TMEM38B: variants seen among roughly 807,000 people sequenced by gnomAD.
TMEM38B encodes the protein trimeric intracellular cation channel type B.
A neutral mutation model predicts 28.7 loss-of-function variants in TMEM38B; 24 were observed. The ratio of observed to expected loss-of-function variants is 0.84; its 90% CI spans 0.61 to 1.18. TMEM38B has a LOEUF of 1.18. TMEM38B is among the 50% of genes most tolerant of loss of function. The pLI is 0.00. For synonymous variants in TMEM38B, 131 were observed against 127.7 expected (o/e 1.03, Z -0.17); for missense variants, 380 against 350.9 (o/e 1.08, Z -0.66).
At chr9:105,769,826 A>G (rs897184944) in intron 5 of TMEM38B, among the ~76,000 whole-genome samples, 2 of 152,192 alleles carry the variant, frequency 1.3e-5, no homozygotes, top group Admixed American at 1.3e-4. Context: ...AGTTATAGGA[A>G]GAAAAGCATG....
At chr9:105,738,736 T>TTTTTTG (rs1837075879) in intron 4 of TMEM38B, among the ~76,000 whole-genome samples, 1 of 147,382 alleles carries the variant, frequency 6.8e-6, no homozygotes, top group Non-Finnish European at 1.5e-5. Flanking sequence ...TTTTTTTTTT[T>TTTTTTG]GAGACAAGGT....
At chr9:105,749,526 AT>A (rs1436317334) in intron 5 of TMEM38B, among the ~76,000 whole-genome samples, 5 of 152,184 alleles carry the variant, frequency 3.3e-5, no homozygotes, top group African/African-American at 1.2e-4. Flanking sequence ...TCAAGGTGAG[AT>A]TTGAGAGTGG....
chr9:105,772,164 G>A (rs1017590169), intron 5 of TMEM38B, among the ~76,000 whole-genome samples: 4 of 152,170 alleles, frequency 2.6e-5, no homozygotes, highest in Non-Finnish European at 5.9e-5. Context: ...GGCTGCTAAA[G>A]TATCTGCTCA....
At chr9:105,754,727 C>T (rs755300881) in intron 5 of TMEM38B, among the ~76,000 whole-genome samples, 38 of 152,010 alleles carry the variant, frequency 2.5e-4, no homozygotes, top group South Asian at 2.1e-4. Flanking sequence ...ACTAGAGAAC[C>T]AAGAGGAAAC....
chr9:105,753,911 C>CA (rs987860326), intron 5 of TMEM38B, among the ~76,000 whole-genome samples: 3 of 152,140 alleles, frequency 2.0e-5, no homozygotes, highest in African/African-American at 7.2e-5. Flanking sequence ...ATTCTGTCTT[C>CA]AAGAAACCCA....
chr9:105,730,575 C>T (rs542524238), intron 4 of TMEM38B, among the ~76,000 whole-genome samples: 4 of 152,234 alleles, frequency 2.6e-5, no homozygotes, highest in Non-Finnish European at 5.9e-5. Context: ...TGATGCTGGC[C>T]TCATAAAATG....
intron 4 of TMEM38B, among the ~76,000 whole-genome samples, chr9:105,728,331 G>C (rs1347273736): frequency 6.6e-6 from 1 of 151,558 alleles, no homozygotes; most frequent in Admixed American, 6.6e-5. Flanking sequence ...TTATGAGTGA[G>C]AACATGCGGT....
At position 105,705,769 on chromosome 9, in the gene TMEM38B, G is replaced by A; in HGVS notation, c.269+16G>A. The stretch of plus-strand genomic sequence containing the variant: ...CTTCAATCTGGTAAGCTGCCAGTAT[G>A]GTGACCTATGTGACATTTAAACAAT... On this transcript the variant is annotated intron_variant, in intron 2 of 5. Transcript: ENST00000374692. 6.2e-7 allele frequency: 1 copy of A among 1,606,768 alleles called. No homozygotes were observed. Among genetic ancestry groups the A allele is most frequent in the South Asian group, 1.1e-5 (1 of 90,206 alleles).
At chr9:105,763,014 G>A (rs377538506) in intron 5 of TMEM38B, among the ~76,000 whole-genome samples, 211 of 146,878 alleles carry the variant, frequency 1.4e-3, no homozygotes, top group Non-Finnish European at 1.9e-3. Flanking sequence ...GCCAGTGATG[G>A]TGAGCATTTT....
chr9:105,740,859 T>C (rs1252173534), intron 4 of TMEM38B, among the ~76,000 whole-genome samples: 1 of 152,268 alleles, frequency 6.6e-6, no homozygotes, highest in Non-Finnish European at 1.5e-5. Flanking sequence ...AGTATATTTC[T>C]ATATTTTTCT....
At chr9:105,771,529 G>A (rs910421818) in intron 5 of TMEM38B, among the ~76,000 whole-genome samples, 6 of 152,116 alleles carry the variant, frequency 3.9e-5, no homozygotes, top group African/African-American at 1.2e-4. Flanking sequence ...TAAAAAAGAC[G>A]TTGCTGTTTT....
At chr9:105,727,759 G>T (rs932560653) in intron 4 of TMEM38B, among the ~76,000 whole-genome samples, 5 of 152,130 alleles carry the variant, frequency 3.3e-5, no homozygotes, top group Admixed American at 2.6e-4. Flanking sequence ...CCCAATGTTG[G>T]AGGTGGGGAC....
At chr9:105,724,299 T>C (rs2133581045) in intron 4 of TMEM38B, among the ~76,000 whole-genome samples, 1 of 152,314 alleles carries the variant, frequency 6.6e-6, no homozygotes, top group African/African-American at 2.4e-5. Context: ...AAGCTCATTT[T>C]CTAATTTAAA....
At chr9:105,725,386 A>G (rs976299841) in intron 4 of TMEM38B, among the ~76,000 whole-genome samples, 1 of 150,280 alleles carries the variant, frequency 6.7e-6, no homozygotes, top group Non-Finnish European at 1.5e-5. Flanking sequence ...GATAATACAT[A>G]CTAGATGACT....
At chr9:105,758,064 C>G (rs565353096) in intron 5 of TMEM38B, 1 of 317,530 alleles carries the variant, frequency 3.1e-6, no homozygotes, top group East Asian at 6.0e-5. Context: ...TTCAAATCGG[C>G]GGCAGGGCCA....
chr9:105,759,425 G>C (rs1837956149), intron 5 of TMEM38B: 1 of 1,557,122 alleles, frequency 6.4e-7, no homozygotes, highest in Admixed American at 1.9e-5. Context: ...AGCAATCCAG[G>C]ATTTCAAGAA....
chr9:105,759,614 G>A lies in TMEM38B; in HGVS notation c.660+11424G>A, dbSNP rs1837961933. 4.4e-6 allele frequency: 7 copies of A among 1,576,510 alleles called. No individual in the cohort carries two copies. The African/African-American group carries it at 9.4e-5, about 21-fold the overall frequency. ...ATTGTAGATGTGTCAGGGAATTCAA[G>A]TAAAGAGGCATCCAGTGTAAAGAGG... On this transcript the variant is annotated intron_variant, in intron 5 of 5. Transcript: ENST00000374692.
chr9:105,710,760 G>A, intron 2 of TMEM38B: 1 of 561,128 alleles, frequency 1.8e-6, no homozygotes, highest in Non-Finnish European at 3.4e-6. Flanking sequence ...ACATGTTGGG[G>A]AGACGGCAGG....
At chr9:105,710,596 A>G in intron 2 of TMEM38B, 3 of 810,978 alleles carry the variant, frequency 3.7e-6, no homozygotes, top group South Asian at 1.3e-5. Context: ...CAGCATCAGG[A>G]ACACCCTCAA....
Sources: gnomAD v4.1 joint callset for allele counts (sites outside exome capture counted in the v4.1 genomes callset) on GRCh38, gnomAD v4.1.1 for gene constraint, MANE v1.5 for transcripts, NCBI Gene and HGNC (gene_info 2026-07-23, HGNC 2026-07-21) for gene names.